PMEPA1: variants seen among roughly 807,000 people sequenced by gnomAD.
PMEPA1 encodes protein TMEPAI.
In PMEPA1, 11 loss-of-function variants were observed where a neutral mutation model predicts 23.0. The ratio of observed to expected loss-of-function variants is 0.48; its 90% CI spans 0.30 to 0.79. The LOEUF (loss-of-function observed/expected upper bound fraction) is 0.79. Among genes scored for constraint, PMEPA1 ranks in the 30% least tolerant of loss-of-function variants. The pLI is 0.06. For missense variants in PMEPA1, 377 were observed against 390.9 expected, an observed-to-expected ratio of 0.96 and a Z score of 0.30; for synonymous variants, 204 against 166.4, an observed-to-expected ratio of 1.23 and a Z score of -1.74.
At chr20:57,708,121 G>T (rs1041240556) in intron 1 of PMEPA1, among the ~76,000 whole-genome samples, 2 of 152,236 alleles carry the variant, frequency 1.3e-5, no homozygotes, top group African/African-American at 2.4e-5. Context: ...GAAGCTCACT[G>T]TATAGGCTCA....
chr20:57,659,476 T>C (rs2071377651), intron 2 of PMEPA1, 67 bp downstream of exon 2: 10 of 1,533,156 alleles, frequency 6.5e-6, no homozygotes, highest in Middle Eastern at 2.1e-4. Context: ...GGATCCCGTC[T>C]GAGTTTTTAC....
rs115070135 is a variant in PMEPA1 at position 57,680,953 on chromosome 20, A to G, written c.110-21256T>C. Among the ~76,000 whole-genome samples, 771 of 152,324 alleles carry G rather than the reference A, an allele frequency of 5.1e-3. 8 individuals are homozygous for G. Among genetic ancestry groups the G allele is most frequent in the African/African-American group, 0.018 (739 of 41,570 alleles). On this transcript the variant is annotated intron_variant, in intron 1 of 3. Transcript: ENST00000341744. Reference sequence around the variant, plus strand: ...TAAGCACAGGTCCTTCTCTGGAGGCAGGAGAATGAAAATCATCCCACGGGT... The same window carrying G: ...TAAGCACAGGTCCTTCTCTGGAGGCGGGAGAATGAAAATCATCCCACGGGT...
At chr20:57,681,066 G>A (rs2071706268) in intron 1 of PMEPA1, among the ~76,000 whole-genome samples, 1 of 152,194 alleles carries the variant, frequency 6.6e-6, no homozygotes, top group Non-Finnish European at 1.5e-5. Context: ...TTTGCATGAG[G>A]GATTTCCAAG....
Position 57,652,504 on chromosome 20 carries a change from G to C in PMEPA1, c.413C>G (p.Pro138Arg), listed in dbSNP as rs766882231. ...CAGGTCGATCTCGTGCTGCAGGTAC[G>C]GATAGGTGGGCTGGAAGCGGTGGAA... ...ERFHRFQPTY[P>R]YLQHEIDLPP... Residue 138 changes from proline to arginine, a missense_variant, in exon 4 of 4, where the codon CCG (proline) becomes CGG (arginine). By Grantham distance (103) the Pro-to-Arg change is moderately radical. Transcript: ENST00000341744. This position sits in a 1 kb window ranked among gnomAD's most constrained non-coding sequence, Gnocchi z 6.1. The C allele has an allele frequency of 1.3e-6, 2 of 1,591,778 alleles. No individual in the cohort carries two copies. The highest frequency in any genetic ancestry group is 1.7e-5 in the Admixed American group (1 of 57,990).
At chr20:57,677,204 C>T (rs157092) in intron 1 of PMEPA1, among the ~76,000 whole-genome samples, 37,069 of 152,100 alleles carry the variant, frequency 0.24, 4,434 homozygotes, top group Admixed American at 0.28. Flanking sequence ...TGGTCAGGAG[C>T]ATGGATTATT....
upstream of PMEPA1, chr20:57,710,537 A>G: frequency 2.0e-6 from 3 of 1,520,494 alleles, no homozygotes; most frequent in South Asian, 1.2e-5. Flanking sequence ...TGAACCCCCA[A>G]GCGCTTTCAC....
chr20:57,695,756 T>A (rs2071935849), intron 1 of PMEPA1, among the ~76,000 whole-genome samples: 1 of 152,160 alleles, frequency 6.6e-6, no homozygotes. Flanking sequence ...GACCTCAACT[T>A]ACCCATCTGC....
At chr20:57,672,728 G>A (rs6128122) in intron 1 of PMEPA1, among the ~76,000 whole-genome samples, 1 of 152,196 alleles carries the variant, frequency 6.6e-6, no homozygotes, top group African/African-American at 2.4e-5. Context: ...GGTCTGGGCA[G>A]GCCCCTTGCA....
intron 1 of PMEPA1, among the ~76,000 whole-genome samples, chr20:57,687,190 G>A (rs1353929050): frequency 6.6e-6 from 1 of 152,248 alleles, no homozygotes; most frequent in Non-Finnish European, 1.5e-5. Context: ...TTCAAGATGT[G>A]GAGCAATGTT....
intron 1 of PMEPA1, among the ~76,000 whole-genome samples, chr20:57,674,644 C>CA (rs759799378): frequency 1.3e-4 from 20 of 152,218 alleles, no homozygotes; most frequent in Non-Finnish European, 2.5e-4. Context: ...CAGGGACGCC[C>CA]AGGGGGATGT....
chr20:57,656,252 G>T lies in PMEPA1; in HGVS notation c.265-3166C>A, dbSNP rs2071324978. Among the ~76,000 whole-genome samples, 1 of 150,544 alleles carries T rather than the reference G, an allele frequency of 6.6e-6. No individual in the cohort carries two copies. Among genetic ancestry groups the T allele is most frequent in the Non-Finnish European group, 1.5e-5 (1 of 67,378 alleles). ...CTGGGGGAATTCGGTATCTCCTGAG[G>T]CCATGGGAGTGGACGCTAGGTCTTT... On this transcript the variant is annotated intron_variant, in intron 2 of 3. Transcript: ENST00000341744. This position sits in a 1 kb window ranked among gnomAD's most constrained non-coding sequence, Gnocchi z 4.7.
chr20:57,659,158 A>G (rs2071370751), intron 2 of PMEPA1, among the ~76,000 whole-genome samples: 1 of 141,114 alleles, frequency 7.1e-6, no homozygotes, highest in Non-Finnish European at 1.5e-5. Flanking sequence ...GCATGGCGCT[A>G]TCACCACTGG....
chr20:57,693,476 C>T (rs2071908639), intron 1 of PMEPA1, among the ~76,000 whole-genome samples: 1 of 152,212 alleles, frequency 6.6e-6, no homozygotes, highest in South Asian at 2.1e-4. Context: ...GGGACTTTTC[C>T]TAGCAGTAAA....
In PMEPA1 at chr20:57,655,680, C is replaced by T. The variant is rs1568961431; in HGVS notation, c.265-2594G>A. Reference sequence around the variant, plus strand: ...TCCTACAGCCACTGCTGACGAGCCCCCTGCTCCCAGCAGCCTCCAACCACT... The same window carrying T: ...TCCTACAGCCACTGCTGACGAGCCCTCTGCTCCCAGCAGCCTCCAACCACT... On this transcript the variant is annotated intron_variant, in intron 2 of 3. Coordinates refer to ENST00000341744, the MANE Select transcript of PMEPA1 (RefSeq NM_020182.5). The surrounding 1 kb of genome is among the most constrained non-coding windows in gnomAD (Gnocchi z 4.2). Among the ~76,000 whole-genome samples the T allele has an allele frequency of 1.3e-5, 2 of 152,184 alleles. No homozygotes were observed. The highest frequency in any genetic ancestry group is 6.5e-5 in the Admixed American group (1 of 15,288).
Position 57,656,427 on chromosome 20 carries a change from C to A in PMEPA1, c.264+3116G>T, listed in dbSNP as rs1467573194. Among the ~76,000 whole-genome samples the A allele has an allele frequency of 1.3e-5, 2 of 151,924 alleles. No individual in the cohort carries two copies. Among genetic ancestry groups the A allele is most frequent in the African/African-American group, 2.4e-5 (1 of 41,420 alleles). On this transcript the variant is annotated intron_variant, in intron 2 of 3. Transcript: ENST00000341744. The surrounding 1 kb of genome is among the most constrained non-coding windows in gnomAD (Gnocchi z 4.7). ...GGGGGATAAAGAGGACAAAGGGTCA[C>A]CCCATCCAAGGCCTGAGTTCCTAGT...
At chr20:57,667,924 C>T (rs2071517199) in intron 1 of PMEPA1, among the ~76,000 whole-genome samples, 1 of 152,174 alleles carries the variant, frequency 6.6e-6, no homozygotes, top group African/African-American at 2.4e-5. Context: ...TCTGATCACT[C>T]CTGGTGCCAT....
chr20:57,689,156 G>A (rs75634940), intron 1 of PMEPA1, among the ~76,000 whole-genome samples: 18 of 152,328 alleles, frequency 1.2e-4, no homozygotes, highest in African/African-American at 4.1e-4. Flanking sequence ...ATTGGTGCAC[G>A]TTTTGTTGGT....
intron 1 of PMEPA1, among the ~76,000 whole-genome samples, chr20:57,691,010 C>T (rs529567591): frequency 1.8e-4 from 28 of 152,206 alleles, no homozygotes; most frequent in Non-Finnish European, 3.5e-4. Flanking sequence ...CCTGGTGCCT[C>T]CTCCTCGTCC....
chr20:57,653,247 C>T (rs1378319906), intron 2 of PMEPA1, among the ~76,000 whole-genome samples, 161 bp from the exon 3 acceptor site: 4 of 152,204 alleles, frequency 2.6e-5, no homozygotes, highest in Non-Finnish European at 5.9e-5. Context: ...TGGCCCTGGG[C>T]GCTTTTCCAG....
Sources: gnomAD v4.1 joint callset for allele counts (sites outside exome capture counted in the v4.1 genomes callset) on GRCh38, gnomAD v4.1.1 for gene constraint, Gnocchi (gnomAD v3.1) non-coding constraint, MANE v1.5 for transcripts, NCBI Gene and HGNC (gene_info 2026-07-23, HGNC 2026-07-21) for gene names.